Variants in IL1RL2 observed in about 807,000 individuals in gnomAD.
IL1RL2 encodes the protein interleukin-1 receptor-like 2.
In IL1RL2, 68 loss-of-function variants were observed where a neutral mutation model predicts 66.8. That is an observed-to-expected ratio of 1.02 (90% CI 0.84 to 1.25). The LOEUF is 1.25. Among genes scored for constraint, IL1RL2 ranks in the 50% most tolerant of loss-of-function variants. The probability of loss-of-function intolerance (pLI) is 0.00; values close to 1 mark genes in which losing one functional copy is unlikely to be tolerated. For missense variants in IL1RL2, 729 were observed against 709.3 expected (o/e 1.03, Z -0.32); for synonymous variants, 305 against 264.6 (o/e 1.15, Z -1.48).
At chr2:102,193,725 G>A (rs1558647) in intron 4 of IL1RL2, among the ~76,000 whole-genome samples, 139,346 of 152,272 alleles carry the variant, frequency 0.92, 63,858 homozygotes, top group East Asian at 0.98. Context: ...TTTAAAATCA[G>A]TTTGGTGGGT....
At chr2:102,199,313 T>C (rs3821207) in intron 4 of IL1RL2, among the ~76,000 whole-genome samples, 42,667 of 152,150 alleles carry the variant, frequency 0.28, 6,617 homozygotes, top group East Asian at 0.38. Context: ...CTCAGAAAGC[T>C]TCTGATGCTC....
In IL1RL2 at chr2:102,219,109, C is replaced by G. The variant is rs1279872116; in HGVS notation, c.854+27C>G. On this transcript the variant is annotated intron_variant, in intron 7 of 11. Transcript: ENST00000264257. ...TAGGTGTTTTGCTTTTTTGACTTCT[C>G]TAAACGCTAGCAAGGATTTCTCCAT... The G allele has an allele frequency of 4.3e-6, 7 of 1,612,856 alleles. No homozygotes were observed. In the South Asian group the frequency reaches 4.4e-5, roughly 10 times the overall value.
intron 5 of IL1RL2, among the ~76,000 whole-genome samples, chr2:102,206,914 A>G (rs1374409004): frequency 2.0e-5 from 3 of 152,206 alleles, no homozygotes; most frequent in Non-Finnish European, 4.4e-5. Context: ...GAAGTCTACC[A>G]AGTGTTTTTT....
At chr2:102,187,955 G>A (rs1268344215) in intron 2 of IL1RL2, 30 bp downstream of exon 2, 4 of 1,604,288 alleles carry the variant, frequency 2.5e-6, no homozygotes, top group Non-Finnish European at 3.4e-6. Flanking sequence ...CGTTCCCAGA[G>A]GCTGCCCGAG....
intron 11 of IL1RL2, among the ~76,000 whole-genome samples, chr2:102,238,053 T>A (rs1432165348): frequency 1.3e-5 from 2 of 152,168 alleles, no homozygotes; most frequent in Non-Finnish European, 2.9e-5. Context: ...CACAAAGTTT[T>A]TTAATACTAT....
intron 8 of IL1RL2, among the ~76,000 whole-genome samples, chr2:102,223,412 C>A (rs1412901536): frequency 1.3e-5 from 2 of 152,162 alleles, no homozygotes; most frequent in African/African-American, 4.8e-5. Context: ...CTTATGCTCA[C>A]TCACCATCTC....
chr2:102,201,523 C>T lies in IL1RL2; in HGVS notation c.490-33C>T, dbSNP rs948985916. ...GGGATCACACAGGTTTCTAAGTATT[C>T]ATTGAATTGAATTTTGTTTTTATTT... On this transcript the variant is annotated intron_variant, in intron 4 of 11. Coordinates refer to ENST00000264257, the MANE Select transcript of IL1RL2 (RefSeq NM_003854.4). 8.1e-6 allele frequency: 13 copies of T among 1,598,484 alleles called. No homozygotes were observed. In the East Asian group the frequency reaches 2.0e-4, roughly 25 times the overall value.
chr2:102,211,539 C>T (rs908398206), intron 5 of IL1RL2, among the ~76,000 whole-genome samples: 1 of 152,182 alleles, frequency 6.6e-6, no homozygotes, highest in African/African-American at 2.4e-5. Flanking sequence ...AGACTTTTTT[C>T]ATCTTTACCT....
chr2:102,222,967 T>A (rs34675594), intron 8 of IL1RL2, among the ~76,000 whole-genome samples: 1 of 152,206 alleles, frequency 6.6e-6, no homozygotes, highest in South Asian at 2.1e-4. Flanking sequence ...CAATACTGAC[T>A]TGTTGAACTT....
rs768625112 is a variant in IL1RL2, at chr2:102,235,273, C to T, written c.1674C>T (p.Thr558=). Residue 558 remains threonine (T), a synonymous_variant, in exon 11 of 12, where the codon ACC becomes ACT. Coordinates refer to ENST00000264257, the MANE Select transcript of IL1RL2 (RefSeq NM_003854.4). The stretch of plus-strand genomic sequence containing the variant: ...TGCAGCACACACCTTGCTACCGCAC[C>T]GCAGGTGAGCGGGTGGGAGGACACG... ...QLLQHTPCYR[T]AGPELGSRRK... is the part of the protein sequence containing the mutation. 69 of 1,611,620 alleles carry T rather than the reference C, an allele frequency of 4.3e-5. No individual in the cohort carries two copies. The highest frequency in any genetic ancestry group is 9.9e-5 in the South Asian group (9 of 90,928).
rs748631644 is a variant in IL1RL2 at position 102,191,956 on chromosome 2, A to T, written c.325A>T (p.Asn109Tyr). The T allele has an allele frequency of 1.9e-6, 3 of 1,612,716 alleles. No individual in the cohort carries two copies. The highest frequency in any genetic ancestry group is 2.5e-6 in the Non-Finnish European group (3 of 1,179,398). The change falls in exon 4 of 12, where the codon AAC becomes TAC. Residue 109 changes from asparagine to tyrosine, a missense_variant. Transcript: ENST00000264257. ...GRDSCHRIHV[N>Y]LTVFEKHWCD... is the part of the protein sequence containing the mutation. The stretch of plus-strand genomic sequence containing the variant: ...AGACAGCTGTCATAGAATACATGTA[A>T]ACCTAACTGTTTTTGAAAAACATTG...
At chr2:102,223,898 A>G (rs3771187) in intron 8 of IL1RL2, among the ~76,000 whole-genome samples, 66,940 of 151,908 alleles carry the variant, frequency 0.44, 15,281 homozygotes, top group East Asian at 0.61. Context: ...TTGAAGTGAG[A>G]GGTTCTCACA....
At chr2:102,187,408 C>A in intron 1 of IL1RL2, 2 of 1,126,598 alleles carry the variant, frequency 1.8e-6, no homozygotes, top group Non-Finnish European at 2.2e-6. Context: ...CCGCCAGGCT[C>A]GGGTGGATCC....
At chr2:102,223,399 T>C (rs1457522160) in intron 8 of IL1RL2, among the ~76,000 whole-genome samples, 1 of 152,218 alleles carries the variant, frequency 6.6e-6, no homozygotes, top group Non-Finnish European at 1.5e-5. Flanking sequence ...AATTCGCGTA[T>C]TACTTATGCT....
Position 102,239,787 on chromosome 2 carries a change from C to G in IL1RL2, c.*546C>G, listed in dbSNP as rs549906340. 45 of 139,278 alleles carry G rather than the reference C, an allele frequency of 3.2e-4. No individual in the cohort carries two copies. The highest frequency in any genetic ancestry group is 6.2e-4 in the Non-Finnish European group (40 of 64,998). The allele number at this position is 139,278 out of a possible 1,614,324, so 8.6% of individuals were successfully genotyped here. A position where few individuals can be genotyped will look rare whatever the true frequency, so the allele number is the denominator to read the frequency against. Reference sequence around the variant, plus strand: ...GGTGGGTGAGATCTTGGGGGATCACCTGTCATGGTGGGTGAGAGCTGGGGG... The same window carrying G: ...GGTGGGTGAGATCTTGGGGGATCACGTGTCATGGTGGGTGAGAGCTGGGGG... On this transcript the variant is annotated 3_prime_UTR_variant, in exon 12 of 12. Transcript: ENST00000264257.
rs1290956783 is a variant in IL1RL2, at chr2:102,187,876, C to T, written c.9C>T (p.Ser3=). The T allele has an allele frequency of 1.2e-6, 2 of 1,614,074 alleles. No homozygotes were observed. Among genetic ancestry groups the T allele is most frequent in the Non-Finnish European group, 1.7e-6 (2 of 1,180,040 alleles). Residue 3 remains serine (S), a synonymous_variant, in exon 2 of 12, where the codon TCC becomes TCT. Coordinates refer to ENST00000264257, the MANE Select transcript of IL1RL2 (RefSeq NM_003854.4). ...TGCAGCCCGGTTTGGGGATGTGGTCCTTGCTGCTCTGCGGGTTGTCCATCG... is the reference window on the plus strand; with the variant it reads ...TGCAGCCCGGTTTGGGGATGTGGTCTTTGCTGCTCTGCGGGTTGTCCATCG... MW[S]LLLCGLSIAL... is the part of the protein sequence containing the mutation.
chr2:102,190,728 C>G (rs1257688371), intron 3 of IL1RL2, among the ~76,000 whole-genome samples: 1 of 152,218 alleles, frequency 6.6e-6, no homozygotes, highest in East Asian at 1.9e-4. Context: ...GAATTATTAA[C>G]TAGTAGCCTA....
intron 8 of IL1RL2, among the ~76,000 whole-genome samples, chr2:102,224,245 A>G (rs772995321): frequency 1.8e-4 from 28 of 152,372 alleles, no homozygotes; most frequent in Middle Eastern, 3.4e-3. Flanking sequence ...GGACATTAGC[A>G]TATTAAAGAG....
chr2:102,212,164 A>G lies in IL1RL2; in HGVS notation c.714A>G (p.Glu238=). The change falls in exon 6 of 12, where the codon GAA becomes GAG. Residue 238 remains glutamate, a synonymous_variant. Coordinates refer to ENST00000264257, the MANE Select transcript of IL1RL2 (RefSeq NM_003854.4). ...KIIYPKNHSI[E]VQLGTTLIVD... is the part of the protein sequence containing the mutation. The stretch of plus-strand genomic sequence containing the variant: ...TTTATCCAAAAAATCATTCAATTGA[A>G]GTACAGCTTGGTGAGTAAAATTATT... 6.2e-7 allele frequency: 1 copy of G among 1,610,190 alleles called. No individual in the cohort carries two copies. The highest frequency in any genetic ancestry group is 8.5e-7 in the Non-Finnish European group (1 of 1,176,472).
Sources: allele counts gnomAD v4.1 joint callset (sites outside exome capture counted in the v4.1 genomes callset), GRCh38; gene constraint gnomAD v4.1.1; transcripts MANE v1.5; gene names NCBI Gene and HGNC (gene_info 2026-07-23, HGNC 2026-07-21).